The following KCNQ3 variants were observed in gnomAD, a reference collection of about 807,000 sequenced individuals.
The protein encoded by KCNQ3 is potassium voltage-gated channel subfamily KQT member 3.
Under a neutral mutation model 92.5 loss-of-function variants are expected in KCNQ3, and 30 were observed. The ratio of observed to expected loss-of-function variants is 0.32; its 90% CI spans 0.24 to 0.44. The LOEUF is 0.44. Ranked by LOEUF, KCNQ3 falls within the 20% of genes least tolerant of loss-of-function variation. The pLI is 1.00. For missense variants in KCNQ3, 913 were observed against 1,140.3 expected, an observed-to-expected ratio of 0.80 and a Z score of 2.87; for synonymous variants, 450 against 468.8, an observed-to-expected ratio of 0.96 and a Z score of 0.52.
intron 9 of KCNQ3, among the ~76,000 whole-genome samples, chr8:132,154,612 C>T (rs961282498): frequency 6.6e-6 from 1 of 152,080 alleles, no homozygotes; most frequent in African/African-American, 2.4e-5. Flanking sequence ...CCCAACCAGC[C>T]TGTGCAATGG....
At chr8:132,138,884 A>G (rs544611946) in intron 11 of KCNQ3, among the ~76,000 whole-genome samples, 2 of 152,318 alleles carry the variant, frequency 1.3e-5, no homozygotes, top group South Asian at 2.1e-4. Flanking sequence ...TTTGCTTGCC[A>G]TCCTTCCCAT....
At chr8:132,364,075 G>C (rs1269581056) in intron 1 of KCNQ3, among the ~76,000 whole-genome samples, 4 of 152,002 alleles carry the variant, frequency 2.6e-5, no homozygotes, top group African/African-American at 9.7e-5. Flanking sequence ...GTCCCCAAAT[G>C]CCATTAGTTT....
intron 1 of KCNQ3, among the ~76,000 whole-genome samples, chr8:132,468,969 C>A (rs560590460): frequency 6.6e-6 from 1 of 152,236 alleles, no homozygotes. Flanking sequence ...ACTCTTCTAT[C>A]ACTTCTGTGG....
At chr8:132,183,049 A>C (rs932021782) in intron 3 of KCNQ3, among the ~76,000 whole-genome samples, 2 of 152,194 alleles carry the variant, frequency 1.3e-5, no homozygotes, top group Non-Finnish European at 2.9e-5. Context: ...CTGCACAGAC[A>C]GAAGCCTGGC....
chr8:132,227,614 A>G (rs1370064365), intron 1 of KCNQ3, among the ~76,000 whole-genome samples: 10 of 152,198 alleles, frequency 6.6e-5, no homozygotes, highest in Admixed American at 6.5e-4. Context: ...GCAAACTAAT[A>G]CAGAGGGCCT....
At chr8:132,273,437 AC>A (rs1816225317) in intron 1 of KCNQ3, among the ~76,000 whole-genome samples, 1 of 152,004 alleles carries the variant, frequency 6.6e-6, no homozygotes, top group Admixed American at 6.5e-5. Context: ...CAGCATGGGG[AC>A]CCTGGGCCCA....
At chr8:132,422,536 T>C (rs1481266523) in intron 1 of KCNQ3, among the ~76,000 whole-genome samples, 1 of 152,192 alleles carries the variant, frequency 6.6e-6, no homozygotes, top group Non-Finnish European at 1.5e-5. Context: ...TGGCCTTCCT[T>C]TAGTTCCTGG....
At chr8:132,156,888 A>G (rs937829153) in intron 9 of KCNQ3, among the ~76,000 whole-genome samples, 2 of 152,200 alleles carry the variant, frequency 1.3e-5, no homozygotes, top group African/African-American at 4.8e-5. Context: ...AGTTTGGGAC[A>G]CAGACACACT....
chr8:132,350,485 C>T (rs1818828834), intron 1 of KCNQ3, among the ~76,000 whole-genome samples: 1 of 152,102 alleles, frequency 6.6e-6, no homozygotes, highest in Non-Finnish European at 1.5e-5. Flanking sequence ...CAATGAGCAC[C>T]CAGATGGCAC....
chr8:132,430,572 C>G (rs1821221946), intron 1 of KCNQ3, among the ~76,000 whole-genome samples: 1 of 152,194 alleles, frequency 6.6e-6, no homozygotes, highest in African/African-American at 2.4e-5. Context: ...CCCGACTGTC[C>G]TAGACCATGA....
At chr8:132,140,268 T>A in intron 10 of KCNQ3, 90 bp from the exon 11 acceptor site, 1 of 807,382 alleles carries the variant, frequency 1.2e-6, no homozygotes, top group Non-Finnish European at 2.1e-6. Flanking sequence ...TCCACGCCTC[T>A]GGATGTGTCA....
chr8:132,441,962 A>G (rs996172953), intron 1 of KCNQ3, among the ~76,000 whole-genome samples: 27 of 152,194 alleles, frequency 1.8e-4, no homozygotes, highest in African/African-American at 5.5e-4. Flanking sequence ...TCCTCAGCAA[A>G]CTAACACAGG....
chr8:132,219,103 C>T (rs951708357), intron 1 of KCNQ3, among the ~76,000 whole-genome samples: 5 of 152,122 alleles, frequency 3.3e-5, no homozygotes, highest in South Asian at 4.1e-4. Context: ...AGGTCAATAC[C>T]GGCAAATGGA....
chr8:132,324,835 G>A (rs191363024), intron 1 of KCNQ3, among the ~76,000 whole-genome samples: 96 of 152,266 alleles, frequency 6.3e-4, no homozygotes, highest in African/African-American at 1.7e-3. Context: ...AGAGCCCGGC[G>A]GTTGCCATCA....
At chr8:132,328,633 T>C (rs1045784828) in intron 1 of KCNQ3, among the ~76,000 whole-genome samples, 5 of 152,220 alleles carry the variant, frequency 3.3e-5, no homozygotes, top group African/African-American at 1.2e-4. Flanking sequence ...AGAGTTAATA[T>C]ATCCAAATCT....
intron 1 of KCNQ3, among the ~76,000 whole-genome samples, chr8:132,300,028 G>A (rs1817165844): frequency 6.6e-6 from 1 of 152,166 alleles, no homozygotes; most frequent in South Asian, 2.1e-4. Context: ...CTGATTCCCT[G>A]ACTAGAGGAA....
At chr8:132,367,571 A>G (rs1316771483) in intron 1 of KCNQ3, among the ~76,000 whole-genome samples, 4 of 152,234 alleles carry the variant, frequency 2.6e-5, no homozygotes, top group African/African-American at 9.6e-5. Context: ...TGCTTTTTCA[A>G]TACAAAACAG....
At position 132,167,204 on chromosome 8, in the gene KCNQ3, A is replaced by T. The variant is rs539432265; in HGVS notation, c.1235+3130T>A. Reference sequence around the variant, plus strand: ...AGACAATATATCATATGATTTCATTATACTATGAAACGTTCAGGATAGGTG... The same window carrying T: ...AGACAATATATCATATGATTTCATTTTACTATGAAACGTTCAGGATAGGTG... On this transcript the variant is annotated intron_variant, in intron 8 of 14. Transcript: ENST00000388996. Among the ~76,000 whole-genome samples, 84 of 152,376 alleles carry T rather than the reference A, an allele frequency of 5.5e-4. 1 individual carries two copies. The highest frequency in any genetic ancestry group is 2.0e-3 in the African/African-American group (82 of 41,594).
chr8:132,338,441 G>T (rs1302190903), intron 1 of KCNQ3, among the ~76,000 whole-genome samples: 9 of 152,206 alleles, frequency 5.9e-5, no homozygotes, highest in Non-Finnish European at 1.2e-4. Context: ...ATAAAATGGG[G>T]GTGATTGTGG....
Sources: gnomAD v4.1 joint callset for allele counts (sites outside exome capture counted in the v4.1 genomes callset) on GRCh38, gnomAD v4.1.1 for gene constraint, MANE v1.5 for transcripts, NCBI Gene and HGNC (gene_info 2026-07-23, HGNC 2026-07-21) for gene names.